The following NEBL variants were observed in gnomAD, a reference collection of about 807,000 sequenced individuals.
NEBL encodes the protein LIM and SH3 protein 2.
In NEBL, 122 loss-of-function variants were observed where a neutral mutation model predicts 140.2. The observed-to-expected ratio is 0.87, with a 90% CI of 0.75 to 1.01. The LOEUF (loss-of-function observed/expected upper bound fraction) is 1.01. Ranked by LOEUF, NEBL falls within the 50% of genes least tolerant of loss-of-function variation. NEBL has a pLI of 0.00. For synonymous variants in NEBL, 436 were observed against 398.9 expected (o/e 1.09, Z -1.11); for missense variants, 1,365 against 1,231.3 (o/e 1.11, Z -1.62).
intron 3 of NEBL, among the ~76,000 whole-genome samples, chr10:21,234,999 A>T (rs375718164): frequency 5.9e-5 from 9 of 152,334 alleles, no homozygotes; most frequent in East Asian, 5.8e-4. Flanking sequence ...GGAAGCAATC[A>T]CAAAACAAAA....
upstream of NEBL, among the ~76,000 whole-genome samples, chr10:21,178,139 C>A (rs1411555414): frequency 6.6e-6 from 1 of 152,172 alleles, no homozygotes; most frequent in Non-Finnish European, 1.5e-5. Flanking sequence ...ATCTTAAGCA[C>A]TGTAGAAAAA....
intron 3 of NEBL, 105 bp downstream of exon 3, chr10:20,889,740 G>C: frequency 2.6e-6 from 2 of 757,450 alleles, no homozygotes; most frequent in Non-Finnish European, 2.4e-6. Flanking sequence ...ACATTCAGTA[G>C]TGCTTTTGAA....
chr10:20,813,011 A>G (rs1019700208), intron 23 of NEBL, 71 bp from the exon 24 acceptor site: 68 of 1,256,266 alleles, frequency 5.4e-5, no homozygotes, highest in Non-Finnish European at 7.4e-5. Context: ...TTATTAAATG[A>G]CAGGTGTACA....
intron 1 of NEBL, among the ~76,000 whole-genome samples, chr10:21,275,536 C>T (rs769182032): frequency 7.2e-5 from 11 of 152,182 alleles, no homozygotes; most frequent in Non-Finnish European, 1.5e-4. Flanking sequence ...CCTCACTCCT[C>T]CTAATATTTC....
chr10:21,199,487 C>G (rs189144937), intron 3 of NEBL, among the ~76,000 whole-genome samples: 1 of 152,138 alleles, frequency 6.6e-6, no homozygotes, highest in African/African-American at 2.4e-5. Context: ...TCTTCCTATT[C>G]AAGTGGAAGC....
chr10:20,971,892 C>T (rs965199122), intron 3 of NEBL, among the ~76,000 whole-genome samples: 1 of 152,078 alleles, frequency 6.6e-6, no homozygotes. Context: ...GGATTACAGG[C>T]GTGAGCCACC....
intron 2 of NEBL, among the ~76,000 whole-genome samples, chr10:21,109,885 C>A (rs1366392819): frequency 1.3e-5 from 2 of 151,752 alleles, no homozygotes; most frequent in Non-Finnish European, 2.9e-5. Context: ...CTATTTGATT[C>A]TTCTCTCTTA....
intron 2 of NEBL, among the ~76,000 whole-genome samples, chr10:21,067,768 A>G (rs1475580826): frequency 2.0e-5 from 3 of 152,040 alleles, no homozygotes; most frequent in Admixed American, 6.6e-5. Flanking sequence ...CTTGAGCCCA[A>G]GAATTCAAGA....
intron 3 of NEBL, among the ~76,000 whole-genome samples, chr10:21,196,494 A>G (rs922032296): frequency 1.3e-5 from 2 of 151,612 alleles, no homozygotes; most frequent in Admixed American, 1.3e-4. Context: ...ACAGGCGCCC[A>G]TCACTAAACC....
chr10:21,055,583 G>C (rs1834983260), intron 2 of NEBL, among the ~76,000 whole-genome samples: 1 of 152,002 alleles, frequency 6.6e-6, no homozygotes, highest in South Asian at 2.1e-4. Context: ...ATGCCACTTG[G>C]GGATGTTATT....
At chr10:21,025,901 A>G (rs1348462884) in intron 2 of NEBL, among the ~76,000 whole-genome samples, 1 of 152,198 alleles carries the variant, frequency 6.6e-6, no homozygotes, top group African/African-American at 2.4e-5. Flanking sequence ...AATGTCTACC[A>G]TTACTTATAA....
At chr10:20,814,075 A>T (rs779815874) in intron 22 of NEBL, 32 bp from the exon 23 acceptor site, 1 of 1,260,294 alleles carries the variant, frequency 7.9e-7, no homozygotes, top group Admixed American at 1.7e-5. Flanking sequence ...TAAGACAATG[A>T]TAAGAAAACA....
chr10:21,020,161 G>A, exon 3 of NEBL: 3 of 1,614,134 alleles, frequency 1.9e-6, no homozygotes, highest in Non-Finnish European at 2.5e-6. Context: ...AGATTTTCAG[G>A]TGTATCTGCC....
At chr10:21,068,133 C>G (rs922551209) in intron 2 of NEBL, among the ~76,000 whole-genome samples, 3 of 152,178 alleles carry the variant, frequency 2.0e-5, no homozygotes, top group African/African-American at 2.4e-5. Context: ...CTCCATGATT[C>G]TACACTTTAC....
At chr10:21,172,480 G>GTA in intron 1 of NEBL, 2 of 1,543,386 alleles carry the variant, frequency 1.3e-6, no homozygotes, top group Non-Finnish European at 1.8e-6. Flanking sequence ...TGCCAATACT[G>GTA]GAAAAAAAAA....
At chr10:21,181,980 C>A (rs1179412742) in intron 3 of NEBL, among the ~76,000 whole-genome samples, 1 of 152,192 alleles carries the variant, frequency 6.6e-6, no homozygotes, top group Non-Finnish European at 1.5e-5. Context: ...GTGGACTGGA[C>A]AGGACCAAAT....
upstream of NEBL, among the ~76,000 whole-genome samples, chr10:20,902,200 G>A (rs571582753): frequency 1.3e-5 from 2 of 152,086 alleles, no homozygotes; most frequent in East Asian, 1.9e-4. Flanking sequence ...TCAGGAGATC[G>A]AGATCATCCT....
At chr10:20,984,121 A>C (rs1837159251) in intron 3 of NEBL, among the ~76,000 whole-genome samples, 1 of 17,200 alleles carries the variant, frequency 5.8e-5, no homozygotes, top group Non-Finnish European at 1.2e-4. Context: ...CAGAAAATGT[A>C]CCTGAAAAAA....
intron 2 of NEBL, among the ~76,000 whole-genome samples, chr10:21,022,307 T>G (rs1838830519): frequency 6.6e-6 from 1 of 152,132 alleles, no homozygotes; most frequent in South Asian, 2.1e-4. Flanking sequence ...AACTCGACTC[T>G]CCTGGTAAAA....
Sources: gnomAD v4.1 joint callset for allele counts (sites outside exome capture counted in the v4.1 genomes callset) on GRCh38, gnomAD v4.1.1 for gene constraint, MANE v1.5 for transcripts, NCBI Gene and HGNC (gene_info 2026-07-23, HGNC 2026-07-21) for gene names.